Variants in GRIP1 observed in about 807,000 individuals in gnomAD.
GRIP1 encodes the protein glutamate receptor-interacting protein 1.
A neutral mutation model predicts 129.9 loss-of-function variants in GRIP1; 45 were observed. That is an observed-to-expected ratio of 0.35 (90% CI 0.27 to 0.44). The LOEUF is 0.44. Ranked by LOEUF, GRIP1 falls within the 20% of genes least tolerant of loss-of-function variation. The pLI is 1.00. For missense variants in GRIP1, 1,196 were observed against 1,396.8 expected (o/e 0.86, Z 2.29); for synonymous variants, 530 against 520.8 (o/e 1.02, Z -0.24).
intron 2 of GRIP1, among the ~76,000 whole-genome samples, chr12:66,556,803 C>T (rs560747682): frequency 1.7e-3 from 257 of 151,668 alleles, no homozygotes; most frequent in African/African-American, 6.1e-3. Flanking sequence ...CTTATGGTAA[C>T]CTCAAATTGA....
Position 66,894,856 on chromosome 12 carries a change from A to G in GRIP1, c.58+174194T>C, listed in dbSNP as rs1254257728. 7.2e-5 allele frequency among the ~76,000 whole-genome samples: 11 copies of G among 152,206 alleles called. 1 individual carries two copies. Among genetic ancestry groups the G allele is most frequent in the Admixed American group, 6.5e-4 (10 of 15,288 alleles). On this transcript the variant is annotated intron_variant, in intron 1 of 1. Coordinates refer to the GRIP1 transcript ENST00000643019. ...CATAATCTTTGTGGACATGCTGACC[A>G]ATAACTTTGACTCCTTGTAGGACTA...
intron 9 of GRIP1, among the ~76,000 whole-genome samples, chr12:66,457,128 T>C (rs1483365920): frequency 6.6e-6 from 1 of 152,216 alleles, no homozygotes; most frequent in African/African-American, 2.4e-5. Flanking sequence ...AAAATCTTTA[T>C]CATGTTTCCA....
intron 2 of GRIP1, among the ~76,000 whole-genome samples, chr12:66,594,082 A>AAG (rs1461722310): frequency 6.6e-6 from 1 of 151,062 alleles, no homozygotes; most frequent in Non-Finnish European, 1.5e-5. Flanking sequence ...AAAAAAAAAA[A>AAG]AAAAAAAAAA....
chr12:66,577,443 C>G (rs767619096), intron 2 of GRIP1, among the ~76,000 whole-genome samples: 2 of 152,144 alleles, frequency 1.3e-5, no homozygotes, highest in Non-Finnish European at 2.9e-5. Context: ...GATGCACGCA[C>G]ATATTTTTTT....
At chr12:66,670,101 G>A (rs929465402) in intron 1 of GRIP1, among the ~76,000 whole-genome samples, 2 of 152,176 alleles carry the variant, frequency 1.3e-5, no homozygotes, top group East Asian at 1.9e-4. Flanking sequence ...CTTTGCATGA[G>A]TAGCTATGTC....
chr12:66,910,312 T>C (rs1005423120), intron 1 of GRIP1, among the ~76,000 whole-genome samples: 1 of 152,220 alleles, frequency 6.6e-6, no homozygotes. Flanking sequence ...CCTATATCTA[T>C]CTTCAGAGAT....
chr12:66,954,113 C>T (rs1240109275), intron 1 of GRIP1, among the ~76,000 whole-genome samples: 1 of 152,136 alleles, frequency 6.6e-6, no homozygotes, highest in Non-Finnish European at 1.5e-5. Flanking sequence ...TTGCCTTTAT[C>T]ACCTCTCATA....
chr12:66,648,837 G>A (rs1416705296), intron 1 of GRIP1, among the ~76,000 whole-genome samples: 9 of 152,188 alleles, frequency 5.9e-5, no homozygotes, highest in South Asian at 2.1e-4. Context: ...CCACTTAGTT[G>A]CATGAATAAC....
At chr12:66,744,128 A>C (rs1014594680) in intron 1 of GRIP1, among the ~76,000 whole-genome samples, 2 of 152,190 alleles carry the variant, frequency 1.3e-5, no homozygotes, top group African/African-American at 4.8e-5. Context: ...TACCAAAGCA[A>C]GTAACAGAGT....
intron 1 of GRIP1, among the ~76,000 whole-genome samples, chr12:66,918,768 A>C (rs1316092870): frequency 6.6e-6 from 1 of 152,194 alleles, no homozygotes; most frequent in Non-Finnish European, 1.5e-5. Flanking sequence ...AGAAAACATT[A>C]AGCCTAAGTT....
chr12:66,499,784 A>T (rs1217561500), intron 7 of GRIP1, among the ~76,000 whole-genome samples: 3 of 152,166 alleles, frequency 2.0e-5, no homozygotes, highest in Admixed American at 6.5e-5. Flanking sequence ...CGAGAAGATC[A>T]CTTGAGCCCA....
intron 1 of GRIP1, among the ~76,000 whole-genome samples, chr12:66,778,058 C>T (rs1459383489): frequency 6.6e-6 from 1 of 152,112 alleles, no homozygotes; most frequent in East Asian, 1.9e-4. Flanking sequence ...AAATACCTTA[C>T]TAATAATTTT....
intron 7 of GRIP1, among the ~76,000 whole-genome samples, chr12:66,480,187 A>T: frequency 6.6e-6 from 1 of 152,200 alleles, no homozygotes; most frequent in Non-Finnish European, 1.5e-5. Flanking sequence ...GTCAGCCCCA[A>T]ATCTTTTTAA....
intron 23 of GRIP1, among the ~76,000 whole-genome samples, chr12:66,365,697 C>A (rs1399006743): frequency 6.6e-6 from 1 of 152,194 alleles, no homozygotes; most frequent in Non-Finnish European, 1.5e-5. Context: ...TCACTAGACA[C>A]ACATCCACTT....
At chr12:66,960,043 T>C (rs2041900802) in intron 1 of GRIP1, among the ~76,000 whole-genome samples, 1 of 151,974 alleles carries the variant, frequency 6.6e-6, no homozygotes, top group Non-Finnish European at 1.5e-5. Flanking sequence ...TAGGAAGAAA[T>C]ATATGGTATG....
chr12:66,946,803 TG>T (rs1160685222), intron 1 of GRIP1, among the ~76,000 whole-genome samples: 77 of 6,240 alleles, frequency 0.012, no homozygotes, highest in Middle Eastern at 0.1. Context: ...GTGTGGGGGC[TG>T]GGGGGGGCGG....
intron 7 of GRIP1, among the ~76,000 whole-genome samples, chr12:66,487,694 G>A (rs1191078631): frequency 1.3e-5 from 2 of 152,146 alleles, no homozygotes; most frequent in Non-Finnish European, 2.9e-5. Flanking sequence ...ATGGCAAGCT[G>A]AATAAAGAGC....
At chr12:66,376,964 G>A in intron 22 of GRIP1, 53 bp downstream of exon 22, 2 of 1,221,482 alleles carry the variant, frequency 1.6e-6, no homozygotes, top group Non-Finnish European at 2.4e-6. Flanking sequence ...AGAAGGCAAG[G>A]GGGTAGGGAA....
At chr12:66,353,309 A>C in intron 24 of GRIP1, 108 bp downstream of exon 24, 1 of 816,786 alleles carries the variant, frequency 1.2e-6, no homozygotes, top group South Asian at 1.3e-5. Flanking sequence ...TTGATGACAA[A>C]GGCTGAAAGG....
Sources: gnomAD v4.1 joint callset for allele counts (sites outside exome capture counted in the v4.1 genomes callset) on GRCh38, gnomAD v4.1.1 for gene constraint, MANE v1.5 for transcripts, NCBI Gene and HGNC (gene_info 2026-07-23, HGNC 2026-07-21) for gene names.